The following STXBP6 variants were observed in gnomAD, a reference collection of about 807,000 sequenced individuals.
The protein encoded by STXBP6 is syntaxin binding protein 6, also known as syntaxin-binding protein 6.
In STXBP6, 21 loss-of-function variants were observed where a neutral mutation model predicts 26.9. The ratio of observed to expected loss-of-function variants is 0.78; its 90% CI spans 0.55 to 1.12. The LOEUF is 1.12. Among genes scored for constraint, STXBP6 ranks in the 50% most tolerant of loss-of-function variants. STXBP6 has a pLI of 0.00. For synonymous variants in STXBP6, 97 were observed against 92.6 expected (o/e 1.05, Z -0.27); for missense variants, 232 against 257.9 (o/e 0.90, Z 0.69).
intron 4 of STXBP6, among the ~76,000 whole-genome samples, chr14:24,839,201 C>T (rs958465042): frequency 3.9e-5 from 6 of 152,092 alleles, no homozygotes; most frequent in Admixed American, 6.5e-5. Flanking sequence ...TGACAGCATC[C>T]CTTAACAAAA....
chr14:24,989,411 A>G (rs2074410563), intron 1 of STXBP6, among the ~76,000 whole-genome samples: 3 of 152,226 alleles, frequency 2.0e-5, no homozygotes, highest in Admixed American at 2.0e-4. Context: ...AGATCAAGAA[A>G]TCGTCACAGC....
intron 5 of STXBP6, 143 bp from the exon 6 acceptor site, chr14:24,812,875 T>A: frequency 1.3e-6 from 1 of 756,732 alleles, no homozygotes; most frequent in Non-Finnish European, 2.3e-6. Flanking sequence ...CGTTACTAAT[T>A]ACAGTAGCAC....
chr14:24,931,367 C>T (rs1050473820), intron 2 of STXBP6, among the ~76,000 whole-genome samples: 1 of 151,758 alleles, frequency 6.6e-6, no homozygotes, highest in African/African-American at 2.4e-5. Context: ...CACATGTACC[C>T]TAGAACTTAA....
intron 1 of STXBP6, among the ~76,000 whole-genome samples, chr14:25,001,336 A>G (rs2074756143): frequency 6.6e-6 from 1 of 152,212 alleles, no homozygotes; most frequent in South Asian, 2.1e-4. Flanking sequence ...CCTGGCATAG[A>G]TCTCCTAAAA....
intron 1 of STXBP6, among the ~76,000 whole-genome samples, chr14:24,975,743 T>C (rs2074028602): frequency 6.6e-6 from 1 of 152,218 alleles, no homozygotes; most frequent in African/African-American, 2.4e-5. Context: ...CTAAAAGTTG[T>C]ACTTCCCCAA....
intron 1 of STXBP6, among the ~76,000 whole-genome samples, chr14:25,016,322 T>C (rs1215235078): frequency 6.6e-6 from 1 of 152,118 alleles, no homozygotes; most frequent in Non-Finnish European, 1.5e-5. Context: ...ATTAATTTTT[T>C]CTTTAAAAAA....
intron 2 of STXBP6, among the ~76,000 whole-genome samples, chr14:24,887,445 C>T (rs2070632477): frequency 6.6e-6 from 1 of 152,182 alleles, no homozygotes; most frequent in Admixed American, 6.5e-5. Context: ...CTCTCCTCAG[C>T]CCTTCTTCCT....
intron 1 of STXBP6, among the ~76,000 whole-genome samples, chr14:24,998,626 C>G (rs2074669676): frequency 6.6e-6 from 1 of 152,116 alleles, no homozygotes; most frequent in Non-Finnish European, 1.5e-5. Flanking sequence ...CTACTTTGGC[C>G]CAACTGTTAG....
At chr14:24,963,769 T>C (rs975306503) in intron 2 of STXBP6, among the ~76,000 whole-genome samples, 1 of 152,166 alleles carries the variant, frequency 6.6e-6, no homozygotes, top group Non-Finnish European at 1.5e-5. Flanking sequence ...CTTTCCACTG[T>C]AGGCCACAAT....
intron 2 of STXBP6, among the ~76,000 whole-genome samples, chr14:24,974,235 T>C (rs1461957981): frequency 1.3e-5 from 2 of 152,196 alleles, no homozygotes; most frequent in Non-Finnish European, 2.9e-5. Context: ...CCAATATTTA[T>C]CTTAAGACAA....
At chr14:25,027,102 G>A (rs1210885455) in intron 1 of STXBP6, among the ~76,000 whole-genome samples, 1 of 152,168 alleles carries the variant, frequency 6.6e-6, no homozygotes, top group African/African-American at 2.4e-5. Context: ...AGCTGTTGCA[G>A]ACCAATTTGA....
intron 1 of STXBP6, among the ~76,000 whole-genome samples, chr14:24,997,138 G>A (rs1203540781): frequency 6.6e-6 from 1 of 152,072 alleles, no homozygotes; most frequent in Non-Finnish European, 1.5e-5. Context: ...ACTCAGGAAG[G>A]GGCAATTTCC....
intron 4 of STXBP6, among the ~76,000 whole-genome samples, chr14:24,849,241 T>C (rs1339450511): frequency 1.3e-5 from 2 of 152,150 alleles, no homozygotes; most frequent in Non-Finnish European, 2.9e-5. Context: ...AATATCATGC[T>C]GTCTAGGAAA....
chr14:24,989,113 C>A (rs2074402586), intron 1 of STXBP6, among the ~76,000 whole-genome samples: 1 of 152,152 alleles, frequency 6.6e-6, no homozygotes, highest in Non-Finnish European at 1.5e-5. Context: ...CAACATTAGG[C>A]TCGCACCCCC....
chr14:24,920,249 T>C (rs1401810952), intron 2 of STXBP6, among the ~76,000 whole-genome samples: 1 of 152,064 alleles, frequency 6.6e-6, no homozygotes, highest in Non-Finnish European at 1.5e-5. Context: ...TAAATGTTAT[T>C]GTGTTTGTAT....
chr14:24,887,824 A>G (rs1164145234), intron 2 of STXBP6, among the ~76,000 whole-genome samples: 2 of 152,228 alleles, frequency 1.3e-5, no homozygotes, highest in Non-Finnish European at 2.9e-5. Flanking sequence ...TCGTCAAGTC[A>G]GCGTAAAGAA....
At chr14:24,876,770 T>C (rs1229878980) in intron 2 of STXBP6, among the ~76,000 whole-genome samples, 1 of 152,226 alleles carries the variant, frequency 6.6e-6, no homozygotes, top group Non-Finnish European at 1.5e-5. Context: ...GCGAAGGCAC[T>C]TACTGGATTT....
intron 2 of STXBP6, among the ~76,000 whole-genome samples, chr14:24,867,006 T>C (rs2069747206): frequency 6.6e-6 from 1 of 152,112 alleles, no homozygotes; most frequent in South Asian, 2.1e-4. Context: ...ATAAGACTTG[T>C]TGTAAAACCA....
intron 4 of STXBP6, among the ~76,000 whole-genome samples, chr14:24,826,549 A>C (rs2068290015): frequency 6.6e-6 from 1 of 152,090 alleles, no homozygotes; most frequent in Non-Finnish European, 1.5e-5. Flanking sequence ...ATTCTTTTGA[A>C]CTTCCAGTGG....
Sources: allele counts gnomAD v4.1 joint callset (sites outside exome capture counted in the v4.1 genomes callset), GRCh38; gene constraint gnomAD v4.1.1; transcripts MANE v1.5; gene names NCBI Gene and HGNC (gene_info 2026-07-23, HGNC 2026-07-21).